The following NRXN1 variants were observed in gnomAD, a reference collection of about 807,000 sequenced individuals.
The protein encoded by NRXN1 is neurexin-1.
NRXN1 carries 39 observed loss-of-function variants against 150.9 expected under a neutral mutation model. The observed-to-expected ratio is 0.26, with a 90% confidence interval of 0.20 to 0.34. The LOEUF is 0.34. Ranked by LOEUF, NRXN1 falls within the 10% of genes least tolerant of loss-of-function variation. The pLI is 1.00. For missense variants in NRXN1, 1,815 were observed against 1,949.9 expected, an observed-to-expected ratio of 0.93 and a Z score of 1.30; for synonymous variants, 924 against 757.0, an observed-to-expected ratio of 1.22 and a Z score of -3.62.
Position 50,346,976 on chromosome 2 carries a change from G to A in NRXN1, c.3365-110006C>T. ...GCGGGGCGCCCGCCGAGGGGCAGCC[G>A]CCGCGGGAGGCAAAGTTTGGGGCGC... On this transcript the variant is annotated intron_variant, in intron 17 of 22. Coordinates refer to ENST00000401669, the MANE Select transcript of NRXN1 (RefSeq NM_001330078.2). This position sits in a 1 kb window ranked among gnomAD's most constrained non-coding sequence, Gnocchi z 5.0. 8 of 1,360,160 alleles carry A rather than the reference G, an allele frequency of 5.9e-6. No homozygotes were observed. Among genetic ancestry groups the A allele is most frequent in the Non-Finnish European group, 7.6e-6 (8 of 1,056,458 alleles). 84.3% of individuals were successfully genotyped at this position (1,360,160 alleles called of 1,614,324 possible).
intron 17 of NRXN1, among the ~76,000 whole-genome samples, chr2:50,320,209 A>T (rs2075909987): frequency 6.8e-6 from 1 of 147,612 alleles, no homozygotes; most frequent in Non-Finnish European, 1.5e-5. Context: ...TAATATTTAA[A>T]GCTATTTTTT....
At chr2:50,486,096 C>T (rs1210693802) in intron 15 of NRXN1, among the ~76,000 whole-genome samples, 6 of 152,062 alleles carry the variant, frequency 3.9e-5, no homozygotes, top group African/African-American at 1.4e-4. Flanking sequence ...GGTACAAAAC[C>T]TTAACACAAT....
chr2:50,420,945 C>A (rs892513318), intron 17 of NRXN1, among the ~76,000 whole-genome samples: 1 of 149,166 alleles, frequency 6.7e-6, no homozygotes, highest in Admixed American at 6.7e-5. Context: ...GTCCTGGTCA[C>A]CCTAGTCAAA....
intron 8 of NRXN1, among the ~76,000 whole-genome samples, chr2:50,596,348 G>A (rs1400743617): frequency 1.3e-5 from 2 of 151,844 alleles, no homozygotes; most frequent in African/African-American, 4.8e-5. Context: ...CATCATTCAC[G>A]ATCTATCCCA....
intron 17 of NRXN1, among the ~76,000 whole-genome samples, chr2:50,358,328 T>A (rs1358892821): frequency 6.6e-6 from 1 of 152,212 alleles, no homozygotes; most frequent in Admixed American, 6.5e-5. Flanking sequence ...TAAGATCCAC[T>A]GGCTTGAAAT....
chr2:50,583,457 C>T (rs1285347774), intron 8 of NRXN1, among the ~76,000 whole-genome samples: 2 of 152,190 alleles, frequency 1.3e-5, no homozygotes, highest in Non-Finnish European at 2.9e-5. Flanking sequence ...GGGTGTACTC[C>T]TATCATAGAA....
intron 5 of NRXN1, among the ~76,000 whole-genome samples, chr2:50,881,723 A>C (rs1008463914): frequency 6.6e-6 from 1 of 151,880 alleles, no homozygotes; most frequent in African/African-American, 2.4e-5. Flanking sequence ...ATAGATTTAA[A>C]TGTTAACCAA....
chr2:50,501,400 A>AGTGTGTGTGTGTGTGTGTGT lies in NRXN1; in HGVS notation c.2498-3706_2498-3687dup, dbSNP rs368765670. 8.2e-4 allele frequency among the ~76,000 whole-genome samples: 121 copies of AGTGTGTGTGTGTGTGTGTGT among 148,280 alleles called. 2 individuals carry two copies. Among genetic ancestry groups the AGTGTGTGTGTGTGTGTGTGT allele is most frequent in the African/African-American group, 1.9e-3 (77 of 40,304 alleles). ...TGACTCGTGTATGTGTGTGTGTGTGAGTGTGTGTGTGTGTGTGTGTGTGTG... is the reference window on the plus strand; with the variant it reads ...TGACTCGTGTATGTGTGTGTGTGTGAGTGTGTGTGTGTGTGTGTGTGTGTGTGTGTGTGTGTGTGTGTGTG... On this transcript the variant is annotated intron_variant, in intron 13 of 22. Transcript: ENST00000401669.
chr2:50,538,664 G>C, intron 9 of NRXN1, 28 bp from the exon 10 acceptor site: 2 of 1,428,846 alleles, frequency 1.4e-6, no homozygotes, highest in Non-Finnish European at 1.8e-6. Context: ...GAATGCACAG[G>C]TCTTTAAAAA....
chr2:50,224,482 A>T (rs974598029), intron 18 of NRXN1, among the ~76,000 whole-genome samples: 1 of 151,942 alleles, frequency 6.6e-6, no homozygotes, highest in Non-Finnish European at 1.5e-5. Context: ...CGTTCTTCTG[A>T]CTAAGCCAAA....
At chr2:50,646,261 G>A (rs1684801959) in intron 5 of NRXN1, among the ~76,000 whole-genome samples, 1 of 151,936 alleles carries the variant, frequency 6.6e-6, no homozygotes, top group Admixed American at 6.6e-5. Context: ...TCTGGTGTCA[G>A]ATTTTCTTCT....
chr2:50,493,147 C>T (rs1472573453), intron 15 of NRXN1, among the ~76,000 whole-genome samples: 1 of 152,176 alleles, frequency 6.6e-6, no homozygotes, highest in African/African-American at 2.4e-5. Context: ...AATCTATTGA[C>T]CAAAACAGGT....
chr2:50,380,127 G>A (rs1218757985), intron 17 of NRXN1, among the ~76,000 whole-genome samples: 1 of 151,922 alleles, frequency 6.6e-6, no homozygotes, highest in African/African-American at 2.4e-5. Context: ...TTTTCATTAA[G>A]AACTTGACTA....
chr2:50,515,600 GGTGTGTGTGTGTGTGTGTGTGTGT>G (rs60612860), intron 12 of NRXN1, among the ~76,000 whole-genome samples: 1 of 143,426 alleles, frequency 7.0e-6, no homozygotes, highest in African/African-American at 2.6e-5. Context: ...AAATGCTTGG[GGTGTGTGTGTGTGTGTGTGTGTGT>G]GTGTGTGTGT....
At chr2:50,485,479 G>A (rs753435575) in intron 15 of NRXN1, among the ~76,000 whole-genome samples, 6 of 152,168 alleles carry the variant, frequency 3.9e-5, no homozygotes, top group Non-Finnish European at 8.8e-5. Flanking sequence ...CTTGCTTTGC[G>A]TTCCCGACCA....
intron 17 of NRXN1, among the ~76,000 whole-genome samples, chr2:50,311,383 T>G (rs1439475736): frequency 1.3e-5 from 2 of 152,128 alleles, no homozygotes; most frequent in Non-Finnish European, 2.9e-5. Flanking sequence ...TTTGAATATT[T>G]AAAGATATGC....
intron 19 of NRXN1, among the ~76,000 whole-genome samples, chr2:50,085,443 A>G (rs1698642982): frequency 6.6e-6 from 1 of 152,226 alleles, no homozygotes; most frequent in African/African-American, 2.4e-5. Context: ...TTAGTCAAAC[A>G]TTTCCCATAT....
chr2:50,565,205 G>A (rs1421305575), intron 8 of NRXN1, among the ~76,000 whole-genome samples: 2 of 152,058 alleles, frequency 1.3e-5, no homozygotes, highest in Non-Finnish European at 2.9e-5. Flanking sequence ...AAGCAGGAAT[G>A]GGACCTTCTT....
intron 21 of NRXN1, among the ~76,000 whole-genome samples, chr2:49,954,898 T>G (rs982925120): frequency 6.6e-6 from 1 of 152,198 alleles, no homozygotes; most frequent in Non-Finnish European, 1.5e-5. Context: ...CCAGGGCATC[T>G]ATACAGGAAT....
Sources: allele counts gnomAD v4.1 joint callset (sites outside exome capture counted in the v4.1 genomes callset), GRCh38; gene constraint gnomAD v4.1.1; non-coding constraint Gnocchi (gnomAD v3.1); transcripts MANE v1.5; gene names NCBI Gene and HGNC (gene_info 2026-07-23, HGNC 2026-07-21).